The following ARL3 variants were observed in gnomAD, a reference collection of about 807,000 sequenced individuals.
ARL3 encodes ARF like GTPase 3.
ARL3 carries 9 observed loss-of-function variants against 26.0 expected under a neutral mutation model. The observed-to-expected ratio is 0.35, with a 90% CI of 0.21 to 0.60. ARL3 has a LOEUF of 0.60. Ranked by LOEUF, ARL3 falls within the 20% of genes least tolerant of loss-of-function variation. ARL3 has a pLI of 0.78. For synonymous variants in ARL3, 71 were observed against 78.4 expected, an observed-to-expected ratio of 0.91 and a Z score of 0.50; for missense variants, 158 against 215.7, an observed-to-expected ratio of 0.73 and a Z score of 1.67.
chr10:102,696,644 C>T (rs6584520), intron 3 of ARL3, among the ~76,000 whole-genome samples: 152,119 of 152,358 alleles, frequency 1, 75,940 homozygotes, highest in East Asian at 1. Context: ...AATAAAAATA[C>T]GTCTGATGGC....
chr10:102,698,995 T>C (rs948155726), intron 3 of ARL3, among the ~76,000 whole-genome samples: 2 of 152,212 alleles, frequency 1.3e-5, no homozygotes, highest in Admixed American at 1.3e-4. Flanking sequence ...TTACACATCA[T>C]GGTTTCCAGT....
chr10:102,712,128 C>T (rs1441457949), intron 1 of ARL3, among the ~76,000 whole-genome samples: 2 of 152,066 alleles, frequency 1.3e-5, no homozygotes, highest in African/African-American at 4.8e-5. Flanking sequence ...GAACCTGGCA[C>T]TGTAAAGCAG....
chr10:102,677,734 C>T (rs1222195690), intron 5 of ARL3, among the ~76,000 whole-genome samples: 1 of 152,226 alleles, frequency 6.6e-6, no homozygotes, highest in Non-Finnish European at 1.5e-5. Flanking sequence ...ACACTCTCCC[C>T]TTCCCTAGAG....
chr10:102,696,814 T>G (rs1354082240), intron 3 of ARL3, among the ~76,000 whole-genome samples: 1 of 152,148 alleles, frequency 6.6e-6, no homozygotes, highest in Non-Finnish European at 1.5e-5. Context: ...GAATTTGGTT[T>G]TAGACATGTT....
chr10:102,703,285 C>G, intron 2 of ARL3, among the ~76,000 whole-genome samples: 1 of 151,706 alleles, frequency 6.6e-6, no homozygotes, highest in South Asian at 2.1e-4. Context: ...CCACATCCAG[C>G]TAATTTTTGT....
intron 3 of ARL3, among the ~76,000 whole-genome samples, chr10:102,690,257 C>G (rs542657113): frequency 6.6e-6 from 1 of 151,836 alleles, no homozygotes; most frequent in South Asian, 2.1e-4. Flanking sequence ...CTCTATTAAC[C>G]CTCATTACAA....
chr10:102,700,277 C>T (rs553741141), intron 2 of ARL3, among the ~76,000 whole-genome samples: 4 of 151,822 alleles, frequency 2.6e-5, no homozygotes, highest in Non-Finnish European at 5.9e-5. Flanking sequence ...GGCGTGTTGG[C>T]GCATGCCTGG....
intron 3 of ARL3, among the ~76,000 whole-genome samples, chr10:102,692,894 C>T (rs1299030736): frequency 5.9e-5 from 9 of 152,162 alleles, no homozygotes; most frequent in Admixed American, 5.2e-4. Flanking sequence ...GACAGGGTTT[C>T]ACCGTGTTAG....
chr10:102,684,799 C>G, intron 5 of ARL3, among the ~76,000 whole-genome samples: 1 of 151,878 alleles, frequency 6.6e-6, no homozygotes, highest in Non-Finnish European at 1.5e-5. Context: ...CCACCATGTC[C>G]GGCTGATTTT....
chr10:102,676,954 T>G lies in ARL3; in HGVS notation c.502-13A>C, dbSNP rs1242030845. On this transcript the variant is annotated splice_polypyrimidine_tract_variant and intron_variant, in intron 5 of 5. Coordinates refer to ENST00000260746, the MANE Select transcript of ARL3 (RefSeq NM_004311.4). The stretch of plus-strand genomic sequence containing the variant: ...AGTTCATGCCATCCTTTGAGGGAAA[T>G]GGGCAGAGAAAGGCAGTGTTAGTTA... 2 of 1,613,816 alleles carry G rather than the reference T, an allele frequency of 1.2e-6. No homozygotes were observed. The highest frequency in any genetic ancestry group is 1.7e-6 in the Non-Finnish European group (2 of 1,179,690).
intron 1 of ARL3, among the ~76,000 whole-genome samples, chr10:102,712,585 C>T (rs1002213406): frequency 3.9e-5 from 6 of 152,076 alleles, no homozygotes; most frequent in African/African-American, 1.4e-4. Flanking sequence ...CAATTTGCAC[C>T]TGGAAACATG....
chr10:102,706,794 C>T (rs2064313120), intron 1 of ARL3, among the ~76,000 whole-genome samples: 1 of 151,976 alleles, frequency 6.6e-6, no homozygotes, highest in African/African-American at 2.4e-5. Context: ...GCCTCAGCCT[C>T]CAGAGTAGCT....
At position 102,674,172 on chromosome 10, in the gene ARL3, G is replaced by T. The variant is rs924756810; in HGVS notation, c.*2722C>A. On this transcript the variant is annotated 3_prime_UTR_variant, in exon 6 of 6. Coordinates refer to ENST00000260746, the MANE Select transcript of ARL3 (RefSeq NM_004311.4). ...GAGACGGAGGGAGGGAGGAAGGAAGGGGGCAGGACCATGTCCTCCCAGCAG... is the reference window on the plus strand; with the variant it reads ...GAGACGGAGGGAGGGAGGAAGGAAGTGGGCAGGACCATGTCCTCCCAGCAG... 6.6e-6 allele frequency: 1 copy of T among 152,550 alleles called. No individual in the cohort carries two copies. The highest frequency in any genetic ancestry group is 1.9e-4 in the East Asian group (1 of 5,192). The allele number at this position is 152,550 out of a possible 1,614,324, so 9.4% of individuals were successfully genotyped here. A position where few individuals can be genotyped will look rare whatever the true frequency, so the allele number is the denominator to read the frequency against.
At chr10:102,693,894 T>C (rs181729212) in intron 3 of ARL3, among the ~76,000 whole-genome samples, 1 of 152,212 alleles carries the variant, frequency 6.6e-6, no homozygotes, top group African/African-American at 2.4e-5. Context: ...AAGCTGGTCT[T>C]GAACTTCTGG....
intron 3 of ARL3, among the ~76,000 whole-genome samples, chr10:102,696,013 G>A (rs1453312060): frequency 6.6e-6 from 1 of 151,832 alleles, no homozygotes; most frequent in African/African-American, 2.4e-5. Context: ...ACCCAGGCTG[G>A]AGTGCAGTGG....
intron 5 of ARL3, among the ~76,000 whole-genome samples, chr10:102,678,264 G>A (rs1447023752): frequency 3.9e-5 from 6 of 152,222 alleles, no homozygotes; most frequent in Admixed American, 6.5e-5. Context: ...GAATGCCGAG[G>A]TGGGAGAAAT....
Position 102,684,577 on chromosome 10 carries a change from T to C in ARL3, c.501+1239A>G, listed in dbSNP as rs144947298. Among the ~76,000 whole-genome samples the C allele has an allele frequency of 4.1e-4, 63 of 152,332 alleles. 2 individuals carry two copies. The East Asian group carries it at 0.01, about 24-fold the overall frequency. ...TTCATCAAAATAACCTTAGGCCTTA[T>C]GACTGCCATCCTATGTGCAATCGGA... On this transcript the variant is annotated intron_variant, in intron 5 of 5. Coordinates refer to ENST00000260746, the MANE Select transcript of ARL3 (RefSeq NM_004311.4).
At chr10:102,705,275 C>A (rs568148915) in intron 2 of ARL3, 71 bp downstream of exon 2, 359 of 1,456,204 alleles carry the variant, frequency 2.5e-4, no homozygotes, top group Non-Finnish European at 3.1e-4. Flanking sequence ...CTGTATTTCC[C>A]ATTTTGTCTT....
At position 102,685,901 on chromosome 10, in the gene ARL3, A is replaced by G. The variant is rs2064181817; in HGVS notation, c.416T>C (p.Ile139Thr). 1.2e-6 allele frequency: 2 copies of G among 1,614,158 alleles called. No individual in the cohort carries two copies. Among genetic ancestry groups the G allele is most frequent in the Non-Finnish European group, 1.7e-6 (2 of 1,180,028 alleles). The part of the protein sequence containing the change: ...DLLTAAPASE[I>T]AEGLNLHTIR... Reference sequence around the variant, plus strand: ...GGTATGCAGGTTCAGTCCTTCTGCAATTTCAGAGGCAGGGGCTGCTGTGAG... The same window carrying G: ...GGTATGCAGGTTCAGTCCTTCTGCAGTTTCAGAGGCAGGGGCTGCTGTGAG... Residue 139 changes from isoleucine to threonine, a missense_variant, in exon 5 of 6, where the codon ATT (isoleucine) becomes ACT (threonine). Ile to Thr is a moderately conservative substitution (Grantham distance 89). Coordinates refer to ENST00000260746, the MANE Select transcript of ARL3 (RefSeq NM_004311.4).
Sources: allele counts gnomAD v4.1 joint callset (sites outside exome capture counted in the v4.1 genomes callset), GRCh38; gene constraint gnomAD v4.1.1; transcripts MANE v1.5; gene names NCBI Gene and HGNC (gene_info 2026-07-23, HGNC 2026-07-21).